Variants in ESCO1 observed in about 807,000 individuals in gnomAD.
ESCO1 encodes the protein establishment of sister chromatid cohesion N-acetyltransferase 1.
Under a neutral mutation model 83.5 loss-of-function variants are expected in ESCO1, and 33 were observed. The observed-to-expected ratio is 0.40, with a 90% confidence interval of 0.30 to 0.53. The LOEUF (loss-of-function observed/expected upper bound fraction) is 0.53. ESCO1 is among the 20% of genes least tolerant of loss of function. The pLI, the probability that ESCO1 is intolerant of heterozygous loss-of-function variation, is 0.63. For missense variants in ESCO1, 855 were observed against 968.0 expected (o/e 0.88, Z 1.55); for synonymous variants, 332 against 324.3 (o/e 1.02, Z -0.25).
At chr18:21,582,419 TG>T (rs1403964988) in intron 2 of ESCO1, among the ~76,000 whole-genome samples, 1 of 152,010 alleles carries the variant, frequency 6.6e-6, no homozygotes, top group Non-Finnish European at 1.5e-5. Context: ...TTAATAGAAA[TG>T]GGGTTTCACC....
chr18:21,545,873 T>C (rs2037967734), intron 8 of ESCO1, among the ~76,000 whole-genome samples: 2 of 152,098 alleles, frequency 1.3e-5, no homozygotes, highest in African/African-American at 4.8e-5. Flanking sequence ...GAGGCTGCAG[T>C]GAGCAGAGAT....
intron 8 of ESCO1, among the ~76,000 whole-genome samples, chr18:21,546,805 C>T (rs2037979966): frequency 6.6e-6 from 1 of 152,174 alleles, no homozygotes; most frequent in South Asian, 2.1e-4. Flanking sequence ...CCCTGGCCTC[C>T]CAAAGTGCTG....
intron 2 of ESCO1, among the ~76,000 whole-genome samples, chr18:21,583,046 C>T (rs957174213): frequency 1.1e-4 from 16 of 152,000 alleles, no homozygotes; most frequent in Non-Finnish European, 1.6e-4. Flanking sequence ...CAAAAATTAG[C>T]GGGCAGGCAC....
At chr18:21,534,800 T>C (rs1464993807) in intron 10 of ESCO1, among the ~76,000 whole-genome samples, 6 of 152,036 alleles carry the variant, frequency 3.9e-5, no homozygotes, top group Admixed American at 3.3e-4. Flanking sequence ...AATTTTTGTA[T>C]TTTTAGTAGA....
chr18:21,576,763 G>A (rs571627731), intron 2 of ESCO1, among the ~76,000 whole-genome samples: 10 of 152,198 alleles, frequency 6.6e-5, no homozygotes, highest in Admixed American at 3.9e-4. Context: ...GGCCGGGTGC[G>A]GTGGCTCACA....
intron 8 of ESCO1, among the ~76,000 whole-genome samples, chr18:21,553,934 A>G (rs569247803): frequency 1.3e-5 from 2 of 151,982 alleles, no homozygotes; most frequent in East Asian, 1.9e-4. Context: ...TTAAAACTCA[A>G]TAAGAAAACA....
Position 21,539,827 on chromosome 18 carries a change from G to A in ESCO1, c.2043+93C>T, listed in dbSNP as rs1180645722. On this transcript the variant is annotated intron_variant, in intron 9 of 11. Coordinates refer to ENST00000269214, the MANE Select transcript of ESCO1 (RefSeq NM_052911.3). ...CGTGCCACTGCACTCCAGCCTGAGC[G>A]ACAGAGCAAGACCCTGTCTCAGGGT... 28 of 1,035,102 alleles carry A rather than the reference G, an allele frequency of 2.7e-5. 1 individual carries two copies. Among genetic ancestry groups the A allele is most frequent in the South Asian group, 5.7e-5 (4 of 70,028 alleles). The allele number at this position is 1,035,102 out of a possible 1,614,324, so 64.1% of individuals were successfully genotyped here. A position where few individuals can be genotyped will look rare whatever the true frequency, so the allele number is the denominator to read the frequency against.
intron 2 of ESCO1, among the ~76,000 whole-genome samples, chr18:21,583,880 A>G (rs981989090): frequency 1.3e-5 from 2 of 152,194 alleles, no homozygotes; most frequent in African/African-American, 4.8e-5. Flanking sequence ...ATGCTTTAAT[A>G]AAGCTGTCCA....
rs1352999267 is a variant in ESCO1 at position 21,574,856 on chromosome 18, A to C, written c.-13T>G. 1 of 1,557,932 alleles carries C rather than the reference A, an allele frequency of 6.4e-7. No individual in the cohort carries two copies. The highest frequency in any genetic ancestry group is 8.6e-7 in the Non-Finnish European group (1 of 1,165,446). On this transcript the variant is annotated 5_prime_UTR_variant, in exon 4 of 12. Transcript: ENST00000269214. ...GAATGGACATCATTCCTGAGTAATG[A>C]CTTTCTTTTCTGAGTAGTTTTGAAG...
chr18:21,545,559 C>G (rs1197016633), intron 8 of ESCO1, among the ~76,000 whole-genome samples: 3 of 136,200 alleles, frequency 2.2e-5, no homozygotes. Context: ...GTTAACAGAG[C>G]AAGACACCGT....
Position 21,590,826 on chromosome 18 carries a change from T to C in ESCO1, c.-824-6386A>G, listed in dbSNP as rs891495232. 7.2e-5 allele frequency among the ~76,000 whole-genome samples: 11 copies of C among 151,850 alleles called. No individual in the cohort carries two copies. The East Asian group carries it at 1.6e-3, about 22-fold the overall frequency. ...AGCTGGGCGTGGTGGCACGTGCCTA[T>C]AGTCCCAGCTACTCAGGAGGCTGAG... On this transcript the variant is annotated intron_variant, in intron 1 of 11. Transcript: ENST00000269214.
At chr18:21,580,747 T>C (rs550358962) in intron 2 of ESCO1, among the ~76,000 whole-genome samples, 40 of 152,282 alleles carry the variant, frequency 2.6e-4, no homozygotes, top group Non-Finnish European at 2.4e-4. Flanking sequence ...CCCAGCAACT[T>C]GGGAGGCCAA....
chr18:21,580,647 A>G (rs1472440461), intron 2 of ESCO1, among the ~76,000 whole-genome samples: 1 of 152,220 alleles, frequency 6.6e-6, no homozygotes, highest in African/African-American at 2.4e-5. Flanking sequence ...TGAAGTTTAT[A>G]TGAATAAATA....
chr18:21,598,345 T>C (rs1455639689), intron 1 of ESCO1, among the ~76,000 whole-genome samples: 2 of 152,240 alleles, frequency 1.3e-5, no homozygotes, highest in Non-Finnish European at 2.9e-5. Flanking sequence ...ACTTTTTTAG[T>C]TATTCTGTGA....
intron 8 of ESCO1, among the ~76,000 whole-genome samples, chr18:21,553,757 T>C (rs374052470): frequency 6.6e-6 from 1 of 150,718 alleles, no homozygotes; most frequent in Non-Finnish European, 1.5e-5. Context: ...CTCGGGAGGC[T>C]GAGGCAGGAA....
chr18:21,599,938 G>T (rs1429360156), intron 1 of ESCO1, among the ~76,000 whole-genome samples: 1 of 152,172 alleles, frequency 6.6e-6, no homozygotes, highest in Non-Finnish European at 1.5e-5. Context: ...TCTCTCCATC[G>T]CTATAAACTT....
chr18:21,585,798 G>T lies in ESCO1; in HGVS notation c.-824-1358C>A, dbSNP rs558024083. On this transcript the variant is annotated intron_variant, in intron 1 of 11. Coordinates refer to ENST00000269214, the MANE Select transcript of ESCO1 (RefSeq NM_052911.3). Reference sequence around the variant, plus strand: ...TGTAGAGATGGGGTCTCCCTGTGTTGCCCAAGCTGGTCTCAAACCCCCGGG... The same window carrying T: ...TGTAGAGATGGGGTCTCCCTGTGTTTCCCAAGCTGGTCTCAAACCCCCGGG... 8.3e-4 allele frequency among the ~76,000 whole-genome samples: 126 copies of T among 152,062 alleles called. 1 individual carries two copies. The highest frequency in any genetic ancestry group is 6.8e-4 in the Non-Finnish European group (46 of 67,972).
chr18:21,536,028 CTT>C lies in ESCO1; in HGVS notation c.2187+12_2187+13del. The C allele has an allele frequency of 6.2e-7, 1 of 1,612,380 alleles. No individual in the cohort carries two copies. Among genetic ancestry groups the C allele is most frequent in the Non-Finnish European group, 8.5e-7 (1 of 1,179,384 alleles). On this transcript the variant is annotated intron_variant, in intron 10 of 11. Coordinates refer to ENST00000269214, the MANE Select transcript of ESCO1 (RefSeq NM_052911.3). ...AAACACCAAATTACTTAAGAACACT[CTT>C]TTATCACTTACCCATTGGATATGTT...
Position 21,548,301 on chromosome 18 carries a change from T to C in ESCO1, c.1954-8292A>G, listed in dbSNP as rs553701930. Among the ~76,000 whole-genome samples the C allele has an allele frequency of 3.0e-3, 451 of 151,512 alleles. 6 individuals are homozygous for C. In the South Asian group the frequency reaches 0.042, roughly 14 times the overall value. On this transcript the variant is annotated intron_variant, in intron 8 of 11. Transcript: ENST00000269214. The stretch of plus-strand genomic sequence containing the variant: ...TGAGCCCAGGAGTTTGAGACCAGCC[T>C]GGGCTACACAGTAGGACCCTGTCTC...
Sources: gnomAD v4.1 joint callset for allele counts (sites outside exome capture counted in the v4.1 genomes callset) on GRCh38, gnomAD v4.1.1 for gene constraint, MANE v1.5 for transcripts, NCBI Gene and HGNC (gene_info 2026-07-23, HGNC 2026-07-21) for gene names.